PACRG: variants seen among roughly 807,000 people sequenced by gnomAD.
PACRG encodes the protein parkin coregulated.
A neutral mutation model predicts 29.7 loss-of-function variants in PACRG; 29 were observed. That is an observed-to-expected ratio of 0.98 (90% CI 0.73 to 1.33). PACRG has a LOEUF of 1.33. Ranked by LOEUF, PACRG falls within the 40% of genes most tolerant of loss-of-function variation. PACRG has a pLI of 0.00. For synonymous variants in PACRG, 116 were observed against 118.7 expected (o/e 0.98, Z 0.15); for missense variants, 279 against 316.2 (o/e 0.88, Z 0.89).
chr6:162,993,225 G>A (rs966314933), intron 2 of PACRG, among the ~76,000 whole-genome samples: 1 of 151,404 alleles, frequency 6.6e-6, no homozygotes, highest in Admixed American at 6.6e-5. Flanking sequence ...CTGTTGATTT[G>A]GGGTGGAGAG....
intron 4 of PACRG, among the ~76,000 whole-genome samples, chr6:163,091,349 G>A (rs1034690289): frequency 6.6e-6 from 1 of 152,090 alleles, no homozygotes; most frequent in Non-Finnish European, 1.5e-5. Context: ...TAACTCACAG[G>A]TGTTCATACA....
At position 162,879,641 on chromosome 6, in the gene PACRG, C is replaced by G. The variant is rs567023843; in HGVS notation, c.291+65360C>G. Among the ~76,000 whole-genome samples the G allele has an allele frequency of 3.3e-5, 5 of 152,348 alleles. 1 individual carries two copies. The highest frequency in any genetic ancestry group is 1.2e-4 in the African/African-American group (5 of 41,570). On this transcript the variant is annotated intron_variant, in intron 2 of 4. Transcript: ENST00000366888. ...GTTAGGGTAAATAGGAGGCTTCATTCATTAATTCATTCCTTCAACAAGTAT... is the reference window on the plus strand; with the variant it reads ...GTTAGGGTAAATAGGAGGCTTCATTGATTAATTCATTCCTTCAACAAGTAT...
At chr6:163,233,375 G>T (rs1304047106) in intron 4 of PACRG, among the ~76,000 whole-genome samples, 1 of 152,232 alleles carries the variant, frequency 6.6e-6, no homozygotes, top group Admixed American at 6.5e-5. Flanking sequence ...GGCTGCAGGG[G>T]CATTTTACAG....
At chr6:162,848,177 C>T (rs1790568637) in intron 2 of PACRG, among the ~76,000 whole-genome samples, 1 of 152,138 alleles carries the variant, frequency 6.6e-6, no homozygotes, top group Non-Finnish European at 1.5e-5. Flanking sequence ...CCAAGAGGGG[C>T]CTCTGGATTT....
intron 4 of PACRG, among the ~76,000 whole-genome samples, chr6:163,123,751 G>A (rs1447583532): frequency 1.3e-5 from 2 of 152,170 alleles, no homozygotes; most frequent in Non-Finnish European, 2.9e-5. Flanking sequence ...GAATCACTCA[G>A]TATTTCTTCT....
chr6:163,170,178 G>A (rs1423270073), intron 4 of PACRG, among the ~76,000 whole-genome samples: 2 of 152,122 alleles, frequency 1.3e-5, no homozygotes, highest in South Asian at 2.1e-4. Flanking sequence ...GTTGCCCTGC[G>A]GGGAAGGGAA....
chr6:163,032,319 GCTCT>G (rs112771348), intron 2 of PACRG, among the ~76,000 whole-genome samples: 2,680 of 152,240 alleles, frequency 0.018, 67 homozygotes, highest in African/African-American at 0.061. Flanking sequence ...GAACATTTCA[GCTCT>G]CTATGAGAGT....
At chr6:162,768,533 T>C (rs1377092236) in intron 1 of PACRG, among the ~76,000 whole-genome samples, 1 of 152,120 alleles carries the variant, frequency 6.6e-6, no homozygotes, top group Non-Finnish European at 1.5e-5. Flanking sequence ...ATATCTCCTA[T>C]ATTTCTCTAG....
intron 2 of PACRG, among the ~76,000 whole-genome samples, chr6:162,989,779 G>A (rs1291490491): frequency 1.4e-5 from 2 of 141,276 alleles, no homozygotes; most frequent in Non-Finnish European, 3.0e-5. Flanking sequence ...GGGTACATGT[G>A]CACATTGTGC....
intron 4 of PACRG, among the ~76,000 whole-genome samples, chr6:163,114,835 A>G (rs1585232143): frequency 1.3e-5 from 2 of 151,082 alleles, no homozygotes; most frequent in South Asian, 4.2e-4. Flanking sequence ...ATTTCCTGAG[A>G]GTAGATATCA....
chr6:163,172,194 G>C (rs1355231677), intron 4 of PACRG, among the ~76,000 whole-genome samples: 1 of 152,132 alleles, frequency 6.6e-6, no homozygotes, highest in African/African-American at 2.4e-5. Context: ...CCTGCAAATT[G>C]CTTTTTAATG....
intron 4 of PACRG, among the ~76,000 whole-genome samples, chr6:163,130,531 A>C (rs1816692879): frequency 6.6e-6 from 1 of 152,152 alleles, no homozygotes; most frequent in African/African-American, 2.4e-5. Context: ...AGTCTTTGGA[A>C]GCATCTGACC....
intron 1 of PACRG, among the ~76,000 whole-genome samples, chr6:162,753,797 G>T (rs2128282474): frequency 6.6e-6 from 1 of 152,146 alleles, no homozygotes; most frequent in Non-Finnish European, 1.5e-5. Flanking sequence ...TTCACCTTCT[G>T]CCATGATTGT....
At chr6:163,208,434 G>T (rs12208377) in intron 4 of PACRG, among the ~76,000 whole-genome samples, 2,863 of 151,942 alleles carry the variant, frequency 0.019, 45 homozygotes, top group Non-Finnish European at 0.029. Context: ...AAAAAAGATT[G>T]TCAGGTTATC....
intron 2 of PACRG, among the ~76,000 whole-genome samples, chr6:162,957,842 A>G (rs1426589808): frequency 6.6e-6 from 1 of 152,150 alleles, no homozygotes; most frequent in African/African-American, 2.4e-5. Context: ...TAGAGACACA[A>G]ATAGAAATAA....
chr6:163,265,111 A>G (rs1447357017), intron 4 of PACRG, among the ~76,000 whole-genome samples: 1 of 152,230 alleles, frequency 6.6e-6, no homozygotes, highest in Non-Finnish European at 1.5e-5. Flanking sequence ...CTGCTGGGTG[A>G]ATGAACGCAT....
rs114587015 is a variant in PACRG, at chr6:163,201,892, C to T, written c.613+112484C>T. On this transcript the variant is annotated intron_variant, in intron 4 of 4. Transcript: ENST00000366888. The stretch of plus-strand genomic sequence containing the variant: ...CAGTCTAATGGGGGAGAGAGACCTG[C>T]CTTCCTCACACGGTGGTGGCCAACC... Among the ~76,000 whole-genome samples, 719 of 152,306 alleles carry T rather than the reference C, an allele frequency of 4.7e-3. 10 individuals are homozygous for T. The highest frequency in any genetic ancestry group is 0.016 in the African/African-American group (686 of 41,578).
chr6:163,286,080 G>T (rs572211691), intron 4 of PACRG, among the ~76,000 whole-genome samples: 4 of 152,326 alleles, frequency 2.6e-5, no homozygotes, highest in African/African-American at 4.8e-5. Flanking sequence ...AAGTGGAGGG[G>T]TGAACGGAAT....
At chr6:162,937,433 C>A (rs1006632916) in intron 2 of PACRG, among the ~76,000 whole-genome samples, 1 of 151,934 alleles carries the variant, frequency 6.6e-6, no homozygotes, top group East Asian at 1.9e-4. Context: ...TGAAAGAATG[C>A]GGGAGGATGC....
Sources: gnomAD v4.1 joint callset for allele counts (sites outside exome capture counted in the v4.1 genomes callset) on GRCh38, gnomAD v4.1.1 for gene constraint, MANE v1.5 for transcripts, NCBI Gene and HGNC (gene_info 2026-07-23, HGNC 2026-07-21) for gene names.